The following LIN7A variants were observed in gnomAD, a reference collection of about 807,000 sequenced individuals.
LIN7A encodes the protein protein lin-7 homolog A.
In LIN7A, 25 loss-of-function variants were observed where a neutral mutation model predicts 29.8. The observed-to-expected ratio is 0.84, with a 90% CI of 0.61 to 1.17. LIN7A has a LOEUF of 1.17. Ranked by LOEUF, LIN7A falls within the 50% of genes most tolerant of loss-of-function variation. LIN7A has a pLI of 0.00. For synonymous variants in LIN7A, 118 were observed against 107.5 expected, an observed-to-expected ratio of 1.10 and a Z score of -0.60; for missense variants, 239 against 287.0, an observed-to-expected ratio of 0.83 and a Z score of 1.21.
At chr12:80,840,579 A>T (rs1015977086) in intron 4 of LIN7A, among the ~76,000 whole-genome samples, 1 of 150,270 alleles carries the variant, frequency 6.7e-6, no homozygotes, top group African/African-American at 2.5e-5. Flanking sequence ...AAATACTGTT[A>T]AAAAAAACTA....
intron 5 of LIN7A, among the ~76,000 whole-genome samples, chr12:80,809,413 A>G (rs1871185047): frequency 6.6e-6 from 1 of 152,228 alleles, no homozygotes; most frequent in Admixed American, 6.5e-5. Flanking sequence ...TTTGAAGTTC[A>G]CTTCAAATAC....
intron 1 of LIN7A, chr12:80,936,688 G>T (rs1197906689): frequency 6.6e-6 from 1 of 152,290 alleles, no homozygotes; most frequent in African/African-American, 2.4e-5. Context: ...CCCCACAGGG[G>T]TGCACCAGTG....
At chr12:80,826,185 T>C (rs1872070576) in intron 4 of LIN7A, among the ~76,000 whole-genome samples, 1 of 152,248 alleles carries the variant, frequency 6.6e-6, no homozygotes, top group Admixed American at 6.5e-5. Context: ...TCTTTTCCAA[T>C]TAAATGTACA....
At chr12:80,823,298 G>T (rs1871901780) in intron 4 of LIN7A, among the ~76,000 whole-genome samples, 1 of 152,186 alleles carries the variant, frequency 6.6e-6, no homozygotes. Flanking sequence ...CTTTTGGGGA[G>T]CCCAGACCTA....
At position 80,797,563 on chromosome 12, in the gene LIN7A, G is replaced by T. The variant is rs1191529929; in HGVS notation, c.*164C>A. On this transcript the variant is annotated 3_prime_UTR_variant, in exon 6 of 6. Transcript: ENST00000552864. The stretch of plus-strand genomic sequence containing the variant: ...CAGTGGCGGTTCAAGCCCAGAGAAA[G>T]AAGGTGTTGAGTTGCCTTGGTAAAG... 2.0e-5 allele frequency: 3 copies of T among 152,650 alleles called. No individual in the cohort carries two copies. Among genetic ancestry groups the T allele is most frequent in the Non-Finnish European group, 4.4e-5 (3 of 68,052 alleles). 9.5% of individuals were successfully genotyped at this position (152,650 alleles called of 1,614,324 possible).
chr12:80,806,869 G>A (rs1048385543), intron 5 of LIN7A, among the ~76,000 whole-genome samples: 1 of 152,126 alleles, frequency 6.6e-6, no homozygotes, highest in Non-Finnish European at 1.5e-5. Flanking sequence ...ACCTGAAATG[G>A]TCACTACAGT....
intron 1 of LIN7A, among the ~76,000 whole-genome samples, chr12:80,932,173 TGAAAAGG>T (rs1334794863): frequency 1.3e-5 from 2 of 152,194 alleles, no homozygotes; most frequent in African/African-American, 4.8e-5. Context: ...CCTTGAAAAG[TGAAAAGG>T]GAAAAGAGAA....
chr12:80,879,464 T>G (rs1039132490), intron 2 of LIN7A, among the ~76,000 whole-genome samples: 1 of 151,938 alleles, frequency 6.6e-6, no homozygotes, highest in Non-Finnish European at 1.5e-5. Context: ...GATGACCTCT[T>G]TCTAAATAAA....
chr12:80,826,663 T>C (rs1385477668), intron 4 of LIN7A, among the ~76,000 whole-genome samples: 1 of 152,070 alleles, frequency 6.6e-6, no homozygotes, highest in Non-Finnish European at 1.5e-5. Context: ...GCTGGGACTA[T>C]AGGCATGTGC....
chr12:80,836,441 G>A (rs1379024734), intron 4 of LIN7A, among the ~76,000 whole-genome samples: 2 of 152,150 alleles, frequency 1.3e-5, no homozygotes, highest in East Asian at 1.9e-4. Context: ...TGGATTGCTC[G>A]AGCTCAGGAG....
At position 80,795,781 on chromosome 12, in the gene LIN7A, A is replaced by G. The variant is rs1297103199; in HGVS notation, c.*1946T>C. The G allele has an allele frequency of 1.3e-5, 2 of 152,180 alleles. No homozygotes were observed. Among genetic ancestry groups the G allele is most frequent in the African/African-American group, 4.8e-5 (2 of 41,460 alleles). 9.4% of individuals were successfully genotyped at this position (152,180 alleles called of 1,614,324 possible). A position where few individuals can be genotyped will look rare whatever the true frequency, so the allele number is the denominator to read the frequency against. ...GTTTTATTAAATTTTTCTTATAAAA[A>G]TGTGAACTATCTCTTTCAAACTGAA... On this transcript the variant is annotated 3_prime_UTR_variant, in exon 6 of 6. Coordinates refer to ENST00000552864, the MANE Select transcript of LIN7A (RefSeq NM_004664.4).
intron 1 of LIN7A, 76 bp downstream of exon 1, chr12:80,937,565 C>T: frequency 1.8e-6 from 2 of 1,110,748 alleles, no homozygotes; most frequent in Non-Finnish European, 2.5e-6. Context: ...TCCCATGTCC[C>T]GTTGGGAATT....
intron 5 of LIN7A, among the ~76,000 whole-genome samples, chr12:80,800,122 A>G (rs1454042050): frequency 6.6e-6 from 1 of 152,250 alleles, no homozygotes; most frequent in Non-Finnish European, 1.5e-5. Context: ...CATTAAAAGC[A>G]TAGTAAAAAA....
intron 4 of LIN7A, among the ~76,000 whole-genome samples, chr12:80,835,441 C>T (rs911497585): frequency 2.0e-5 from 3 of 152,082 alleles, no homozygotes; most frequent in Admixed American, 6.5e-5. Flanking sequence ...CCACCAATGA[C>T]AAGGATCCAA....
intron 1 of LIN7A, among the ~76,000 whole-genome samples, chr12:80,905,243 G>A (rs1265280241): frequency 6.6e-6 from 1 of 151,694 alleles, no homozygotes; most frequent in Non-Finnish European, 1.5e-5. Context: ...AGGCTGGAGT[G>A]CAGTGGCGTG....
intron 4 of LIN7A, among the ~76,000 whole-genome samples, chr12:80,818,659 T>C (rs1871649858): frequency 6.6e-6 from 1 of 152,206 alleles, no homozygotes; most frequent in South Asian, 2.1e-4. Context: ...TGAAGAACTT[T>C]TTAAATATAG....
At chr12:80,838,404 A>C (rs930934028) in intron 4 of LIN7A, among the ~76,000 whole-genome samples, 1 of 152,198 alleles carries the variant, frequency 6.6e-6, no homozygotes, top group African/African-American at 2.4e-5. Flanking sequence ...AAATTAAAAG[A>C]TCTCTTATTG....
intron 1 of LIN7A, among the ~76,000 whole-genome samples, chr12:80,916,192 T>C (rs1877023472): frequency 1.3e-5 from 2 of 152,204 alleles, no homozygotes; most frequent in South Asian, 2.1e-4. Context: ...GTCTACTCTT[T>C]ACATTCTATG....
rs188137811 is a variant in LIN7A, at chr12:80,836,701, C to A, written c.483+9029G>T. ...GTATATATATATATTTTAAAAGTAG[C>A]TTCTCTTGTTCCATTACATGGCTCC... On this transcript the variant is annotated intron_variant, in intron 4 of 5. Transcript: ENST00000552864. 1.8e-4 allele frequency among the ~76,000 whole-genome samples: 27 copies of A among 152,008 alleles called. No individual in the cohort carries two copies. In the East Asian group the frequency reaches 4.8e-3, roughly 27 times the overall value.
Sources: allele counts gnomAD v4.1 joint callset (sites outside exome capture counted in the v4.1 genomes callset), GRCh38; gene constraint gnomAD v4.1.1; transcripts MANE v1.5; gene names NCBI Gene and HGNC (gene_info 2026-07-23, HGNC 2026-07-21).